Variants in CRYBB2 observed in about 807,000 individuals in gnomAD.
CRYBB2 encodes the protein crystallin beta B2.
CRYBB2 carries 12 observed loss-of-function variants against 24.3 expected under a neutral mutation model. The observed-to-expected ratio is 0.49, with a 90% CI of 0.32 to 0.80. The LOEUF (loss-of-function observed/expected upper bound fraction) is 0.80. Ranked by LOEUF, CRYBB2 falls within the 30% of genes least tolerant of loss-of-function variation. The pLI is 0.04. For missense variants in CRYBB2, 198 were observed against 268.5 expected, an observed-to-expected ratio of 0.74 and a Z score of 1.83; for synonymous variants, 98 against 101.6, an observed-to-expected ratio of 0.96 and a Z score of 0.21.
chr22:25,218,779 G>GAAAGAAAGAAAGAAA (rs376967033), upstream of CRYBB2, among the ~76,000 whole-genome samples: 30 of 34,528 alleles, frequency 8.7e-4, 1 homozygote, highest in East Asian at 7.2e-3. Flanking sequence ...GAGAGAGAGA[G>GAAAGAAAGAAAGAAA]AAGAAAGAAA....
At chr22:25,215,691 TTTAAAAG>T (rs1416661896), upstream of CRYBB2, among the ~76,000 whole-genome samples, 10 of 152,208 alleles carry the variant, frequency 6.6e-5, no homozygotes, top group Non-Finnish European at 2.9e-5. Flanking sequence ...AGCTTTATAG[TTTAAAAG>T]TTAAGAACGT....
upstream of CRYBB2, among the ~76,000 whole-genome samples, chr22:25,217,449 C>G (rs1038252468): frequency 6.6e-6 from 1 of 152,194 alleles, no homozygotes. Context: ...TCCCGAGTAG[C>G]TGGGATTACA....
chr22:25,216,996 C>A (rs755013190), upstream of CRYBB2, among the ~76,000 whole-genome samples: 6 of 152,174 alleles, frequency 3.9e-5, no homozygotes, highest in Non-Finnish European at 1.5e-5. Context: ...TATGGATAGA[C>A]CACATAGTGT....
At chr22:25,230,431 C>T (rs1158709858) in intron 5 of CRYBB2, among the ~76,000 whole-genome samples, 1 of 152,100 alleles carries the variant, frequency 6.6e-6, no homozygotes, top group African/African-American at 2.4e-5. Context: ...GCAGGGATTA[C>T]AGGCGTGAGC....
At chr22:25,226,627 C>T (rs538493346) in intron 3 of CRYBB2, among the ~76,000 whole-genome samples, 6 of 152,190 alleles carry the variant, frequency 3.9e-5, no homozygotes, top group Admixed American at 1.3e-4. Context: ...AGTGAACAGA[C>T]TTATTCAGAT....
intron 1 of CRYBB2, among the ~76,000 whole-genome samples, chr22:25,220,246 T>G (rs969623): frequency 6.6e-6 from 1 of 152,038 alleles, no homozygotes; most frequent in Non-Finnish European, 1.5e-5. Flanking sequence ...CACGGCCAAG[T>G]GCTTCCGGTT....
intron 4 of CRYBB2, 126 bp from the exon 5 acceptor site, chr22:25,229,310 G>A: frequency 1.1e-5 from 16 of 1,503,836 alleles, no homozygotes; most frequent in Non-Finnish European, 1.4e-5. Flanking sequence ...ACACGTAGTG[G>A]GTGCACTGGG....
chr22:25,212,523 T>C (rs1472776999), upstream of CRYBB2, among the ~76,000 whole-genome samples: 1 of 152,242 alleles, frequency 6.6e-6, no homozygotes, highest in Non-Finnish European at 1.5e-5. Flanking sequence ...CTTGGCTCTC[T>C]TGGGAGGACC....
At chr22:25,220,668 A>G (rs1008021895) in intron 1 of CRYBB2, among the ~76,000 whole-genome samples, 1 of 152,166 alleles carries the variant, frequency 6.6e-6, no homozygotes, top group Admixed American at 6.5e-5. Flanking sequence ...CTGGGGAAAC[A>G]CAGCCTGGTT....
upstream of CRYBB2, among the ~76,000 whole-genome samples, chr22:25,217,265 C>CT (rs1411589660): frequency 6.6e-6 from 1 of 151,728 alleles, no homozygotes; most frequent in African/African-American, 2.4e-5. Flanking sequence ...TTTTAAGCCA[C>CT]TTAGTTTGTG....
chr22:25,222,875 A>G (rs1293606160), intron 2 of CRYBB2, among the ~76,000 whole-genome samples: 1 of 151,654 alleles, frequency 6.6e-6, no homozygotes, highest in Non-Finnish European at 1.5e-5. Flanking sequence ...CAGATATTTT[A>G]CATTATTTTT....
At chr22:25,230,426 G>A (rs924134333) in intron 5 of CRYBB2, among the ~76,000 whole-genome samples, 4 of 152,056 alleles carry the variant, frequency 2.6e-5, no homozygotes, top group African/African-American at 7.2e-5. Context: ...AAAGTGCAGG[G>A]ATTACAGGCG....
chr22:25,223,663 T>C (rs953252199), intron 2 of CRYBB2, among the ~76,000 whole-genome samples: 1 of 152,094 alleles, frequency 6.6e-6, no homozygotes, highest in African/African-American at 2.4e-5. Context: ...CCTTTCTTTG[T>C]GTGGCTAATC....
chr22:25,225,547 T>A (rs1351582136), intron 3 of CRYBB2, among the ~76,000 whole-genome samples: 3 of 152,132 alleles, frequency 2.0e-5, no homozygotes, highest in African/African-American at 7.2e-5. Flanking sequence ...GGGGGCCAGG[T>A]CTCTATCCAA....
At chr22:25,230,746 G>A (rs530007898) in intron 5 of CRYBB2, among the ~76,000 whole-genome samples, 2 of 149,554 alleles carry the variant, frequency 1.3e-5, no homozygotes, top group East Asian at 3.9e-4. Context: ...TGTGTTAGGT[G>A]CCCAGGGTGA....
chr22:25,217,214 C>G (rs893219541), upstream of CRYBB2, among the ~76,000 whole-genome samples: 1 of 149,630 alleles, frequency 6.7e-6, no homozygotes, highest in Non-Finnish European at 1.5e-5. Context: ...ACACTGTTTT[C>G]CGTAGTGGCA....
chr22:25,229,036 G>A (rs993664357), intron 4 of CRYBB2, among the ~76,000 whole-genome samples: 11 of 146,560 alleles, frequency 7.5e-5, no homozygotes, highest in African/African-American at 1.6e-4. Flanking sequence ...GTGTGCGTGC[G>A]TGTGTGCAAG....
At chr22:25,225,986 T>A (rs1053043498) in intron 3 of CRYBB2, among the ~76,000 whole-genome samples, 2 of 152,218 alleles carry the variant, frequency 1.3e-5, no homozygotes, top group African/African-American at 2.4e-5. Context: ...TGAAAAAAAA[T>A]TTCCCAAAGA....
At chr22:25,218,838 GAGAAAGAAAGAA>G (rs1402128611), upstream of CRYBB2, among the ~76,000 whole-genome samples, 2 of 97,990 alleles carry the variant, frequency 2.0e-5, no homozygotes, top group African/African-American at 9.6e-5. Context: ...AAGAAAGAAA[GAGAAAGAAAGAA>G]AGAAAGAAAA....
Sources: allele counts gnomAD v4.1 joint callset (sites outside exome capture counted in the v4.1 genomes callset), GRCh38; gene constraint gnomAD v4.1.1; transcripts MANE v1.5; gene names NCBI Gene and HGNC (gene_info 2026-07-23, HGNC 2026-07-21).